The following DTL variants were observed in gnomAD, a reference collection of about 807,000 sequenced individuals.
DTL encodes the protein denticleless E3 ubiquitin protein ligase adapter.
Under a neutral mutation model 87.0 loss-of-function variants are expected in DTL, and 46 were observed. That is an observed-to-expected ratio of 0.53 (90% CI 0.42 to 0.68). DTL has a LOEUF of 0.68. Ranked by LOEUF, DTL falls within the 30% of genes least tolerant of loss-of-function variation. The probability of loss-of-function intolerance (pLI) is 0.00; values close to 1 mark genes in which losing one functional copy is unlikely to be tolerated. For synonymous variants in DTL, 308 were observed against 311.2 expected (o/e 0.99, Z 0.11); for missense variants, 737 against 869.4 (o/e 0.85, Z 1.91).
At chr1:212,043,148 G>C (rs376795749) in intron 2 of DTL, 30 bp downstream of exon 2, 1 of 1,593,684 alleles carries the variant, frequency 6.3e-7, no homozygotes, top group Non-Finnish European at 8.5e-7. Flanking sequence ...GGCAAGGCTT[G>C]GACAGAAATG....
intron 1 of DTL, among the ~76,000 whole-genome samples, chr1:212,040,012 A>G (rs1667589205): frequency 6.6e-6 from 1 of 152,222 alleles, no homozygotes; most frequent in Non-Finnish European, 1.5e-5. Context: ...ACTTTCTTCA[A>G]TAATAAATTA....
intron 13 of DTL, among the ~76,000 whole-genome samples, chr1:212,096,505 C>T (rs1202209480): frequency 1.3e-5 from 2 of 152,166 alleles, no homozygotes; most frequent in Non-Finnish European, 2.9e-5. Flanking sequence ...GATGTAGGCA[C>T]TTAATGCTGT....
intron 13 of DTL, among the ~76,000 whole-genome samples, chr1:212,085,097 C>T (rs1248104297): frequency 6.6e-6 from 1 of 152,164 alleles, no homozygotes; most frequent in African/African-American, 2.4e-5. Flanking sequence ...ATGTTTAGTA[C>T]AGACACAACC....
intron 5 of DTL, among the ~76,000 whole-genome samples, chr1:212,055,976 A>G (rs541321907): frequency 6.6e-6 from 1 of 152,266 alleles, no homozygotes; most frequent in South Asian, 2.1e-4. Context: ...CAACCTGTAC[A>G]TGCAACCTGC....
At chr1:212,051,856 C>T (rs1371357980) in intron 5 of DTL, 5 of 810,140 alleles carry the variant, frequency 6.2e-6, no homozygotes, top group Non-Finnish European at 1.1e-5. Context: ...TGGGGCATTC[C>T]TTTTTGAACA....
At chr1:212,075,853 G>T (rs1223767878) in intron 11 of DTL, among the ~76,000 whole-genome samples, 1 of 151,952 alleles carries the variant, frequency 6.6e-6, no homozygotes, top group African/African-American at 2.4e-5. Context: ...AAAAAAACCC[G>T]TGTCCTTTAA....
rs749103131 is a variant in DTL, at chr1:212,066,888, AAG to A, written c.713+6_713+7del. On this transcript the variant is annotated splice_donor_5th_base_variant and intron_variant, in intron 8 of 14. Transcript: ENST00000366991. ...GTCTCAGCAGGAGCTGTGGATGGGT[AAG>A]AGTCTATTTCTTTTTTCTTCCGACG... The A allele has an allele frequency of 1.5e-5, 24 of 1,611,802 alleles. No homozygotes were observed. Among genetic ancestry groups the A allele is most frequent in the African/African-American group, 6.7e-5 (5 of 74,880 alleles).
chr1:212,068,125 C>A, intron 8 of DTL, 99 bp from the exon 9 acceptor site: 1 of 699,272 alleles, frequency 1.4e-6, no homozygotes, highest in Non-Finnish European at 2.4e-6. Context: ...GTTAATGTGC[C>A]AGAGGAGTTA....
At chr1:212,068,836 T>G (rs1037408721) in intron 10 of DTL, 133 bp downstream of exon 10, 7 of 564,378 alleles carry the variant, frequency 1.2e-5, no homozygotes, top group African/African-American at 1.9e-5. Flanking sequence ...TTTGATTACA[T>G]CCAGTGATAA....
intron 13 of DTL, among the ~76,000 whole-genome samples, chr1:212,085,500 CT>C (rs1558087471): frequency 1.3e-5 from 2 of 152,106 alleles, no homozygotes; most frequent in Non-Finnish European, 2.9e-5. Context: ...GGTTATTTGT[CT>C]TTTTATTGTT....
chr1:212,058,716 A>T (rs1412815427), intron 5 of DTL, among the ~76,000 whole-genome samples: 3 of 151,778 alleles, frequency 2.0e-5, no homozygotes, highest in Admixed American at 2.0e-4. Flanking sequence ...ATAGAGACTT[A>T]AAAAAACAAG....
chr1:212,085,492 T>C (rs1433746050), intron 13 of DTL, among the ~76,000 whole-genome samples: 1 of 152,180 alleles, frequency 6.6e-6, no homozygotes, highest in East Asian at 1.9e-4. Context: ...TCTAATTGGG[T>C]TATTTGTCTT....
At chr1:212,084,506 A>G (rs1655074897) in intron 13 of DTL, among the ~76,000 whole-genome samples, 1 of 152,022 alleles carries the variant, frequency 6.6e-6, no homozygotes, top group Admixed American at 6.6e-5. Context: ...TTTTTCATTA[A>G]TTTAGTATTA....
chr1:212,072,633 C>G (rs970200930), intron 11 of DTL, among the ~76,000 whole-genome samples: 1 of 152,030 alleles, frequency 6.6e-6, no homozygotes, highest in Admixed American at 6.6e-5. Flanking sequence ...AAAACAGAAA[C>G]TCAAAAATAT....
intron 10 of DTL, 64 bp from the exon 11 acceptor site, chr1:212,072,037 T>C: frequency 9.0e-7 from 1 of 1,116,552 alleles, no homozygotes; most frequent in South Asian, 1.2e-5. Context: ...ATATATGCTG[T>C]CTATATCCAT....
rs115412893 is a variant in DTL, at chr1:212,101,874, G to C, written c.2094+790G>C. 9.5e-3 allele frequency among the ~76,000 whole-genome samples: 1,443 copies of C among 152,300 alleles called. 29 individuals are homozygous for C. Among genetic ancestry groups the C allele is most frequent in the African/African-American group, 0.032 (1,350 of 41,558 alleles). ...GGAGGCAGAAGTAGCTGAGTGCATT[G>C]GGTGAGCTATGGGCACCAGTCAGAG... is the stretch of plus-strand genomic sequence containing the variant. On this transcript the variant is annotated intron_variant, in intron 14 of 14. Coordinates refer to ENST00000366991, the MANE Select transcript of DTL (RefSeq NM_016448.4).
At chr1:212,062,651 TA>T (rs1374014427) in intron 5 of DTL, among the ~76,000 whole-genome samples, 1 of 152,338 alleles carries the variant, frequency 6.6e-6, no homozygotes, top group East Asian at 1.9e-4. Flanking sequence ...ATATGGGTTT[TA>T]AAAAATTTAC....
At chr1:212,080,133 A>G (rs1179268819) in intron 12 of DTL, among the ~76,000 whole-genome samples, 3 of 152,222 alleles carry the variant, frequency 2.0e-5, no homozygotes, top group East Asian at 1.9e-4. Flanking sequence ...GTTTCCTTCT[A>G]CTTGTCACAG....
chr1:212,077,290 G>C (rs1654858857), intron 11 of DTL, among the ~76,000 whole-genome samples: 1 of 152,136 alleles, frequency 6.6e-6, no homozygotes, highest in African/African-American at 2.4e-5. Flanking sequence ...GACATCTCTT[G>C]AATGAGTCAG....
Sources: gnomAD v4.1 joint callset for allele counts (sites outside exome capture counted in the v4.1 genomes callset) on GRCh38, gnomAD v4.1.1 for gene constraint, MANE v1.5 for transcripts, NCBI Gene and HGNC (gene_info 2026-07-23, HGNC 2026-07-21) for gene names.